Variants in B3GAT2 observed in about 807,000 individuals in gnomAD.
The protein encoded by B3GAT2 is galactosylgalactosylxylosylprotein 3-beta-glucuronosyltransferase 2.
Under a neutral mutation model 27.8 loss-of-function variants are expected in B3GAT2, and 26 were observed. That is an observed-to-expected ratio of 0.93 (90% CI 0.68 to 1.30). The LOEUF is 1.30. Ranked by LOEUF, B3GAT2 falls within the 50% of genes most tolerant of loss-of-function variation. The probability of loss-of-function intolerance (pLI) is 0.00; values close to 1 mark genes in which losing one functional copy is unlikely to be tolerated. For synonymous variants in B3GAT2, 218 were observed against 195.1 expected, an observed-to-expected ratio of 1.12 and a Z score of -0.98; for missense variants, 458 against 459.0, an observed-to-expected ratio of 1.00 and a Z score of 0.02.
intron 1 of B3GAT2, among the ~76,000 whole-genome samples, chr6:70,931,217 G>A (rs548042436): frequency 6.6e-6 from 1 of 152,186 alleles, no homozygotes; most frequent in African/African-American, 2.4e-5. Flanking sequence ...ATAGCATTAG[G>A]AGAATACCTA....
chr6:70,892,766 G>A (rs920932459), intron 2 of B3GAT2, among the ~76,000 whole-genome samples: 2 of 152,218 alleles, frequency 1.3e-5, no homozygotes, highest in African/African-American at 4.8e-5. Flanking sequence ...TGGTCAGCAA[G>A]AAGCCCGATT....
intron 2 of B3GAT2, among the ~76,000 whole-genome samples, chr6:70,867,459 T>C (rs1021102220): frequency 6.6e-6 from 1 of 152,040 alleles, no homozygotes; most frequent in Admixed American, 6.6e-5. Context: ...AGAGAAGATA[T>C]AAATTACCAG....
At chr6:70,936,776 C>T (rs1765289235) in intron 1 of B3GAT2, among the ~76,000 whole-genome samples, 1 of 151,896 alleles carries the variant, frequency 6.6e-6, no homozygotes, top group African/African-American at 2.4e-5. Flanking sequence ...AAATTTATAG[C>T]ACTAAATGCC....
intron 1 of B3GAT2, among the ~76,000 whole-genome samples, chr6:70,954,815 C>T (rs995901555): frequency 6.6e-6 from 1 of 151,356 alleles, no homozygotes; most frequent in Non-Finnish European, 1.5e-5. Context: ...TGAGAAAACC[C>T]ATGCCACTCA....
At chr6:70,892,721 A>G (rs973731278) in intron 2 of B3GAT2, among the ~76,000 whole-genome samples, 1 of 152,190 alleles carries the variant, frequency 6.6e-6, no homozygotes, top group African/African-American at 2.4e-5. Flanking sequence ...ACTTTCCCTA[A>G]TGTTGTCTAA....
chr6:70,900,057 T>C (rs1772470977), intron 1 of B3GAT2, among the ~76,000 whole-genome samples: 2 of 152,216 alleles, frequency 1.3e-5, no homozygotes, highest in Admixed American at 1.3e-4. Flanking sequence ...ATAGGAGTTA[T>C]AATATTACAA....
chr6:70,945,117 T>C (rs1278742501), intron 1 of B3GAT2, among the ~76,000 whole-genome samples: 5 of 151,926 alleles, frequency 3.3e-5, no homozygotes, highest in Middle Eastern at 6.8e-3. Context: ...ACCACAAAGA[T>C]GGGGAAAAAA....
chr6:70,898,665 A>C (rs1433296417), intron 1 of B3GAT2, among the ~76,000 whole-genome samples: 1 of 152,200 alleles, frequency 6.6e-6, no homozygotes, highest in African/African-American at 2.4e-5. Flanking sequence ...TAAATATTCA[A>C]ATCTGTGAAA....
At chr6:70,889,325 C>T (rs1321324611) in intron 2 of B3GAT2, among the ~76,000 whole-genome samples, 1 of 152,052 alleles carries the variant, frequency 6.6e-6, no homozygotes, top group Non-Finnish European at 1.5e-5. Flanking sequence ...TGTTATACCC[C>T]TTGAAACTGC....
At chr6:70,918,548 A>G (rs979227194) in intron 1 of B3GAT2, among the ~76,000 whole-genome samples, 12 of 151,940 alleles carry the variant, frequency 7.9e-5, no homozygotes, top group Non-Finnish European at 1.6e-4. Context: ...GTTCCTTTCC[A>G]TGTTTAGTTC....
rs1765670035 is a variant in B3GAT2 at position 70,957,052 on chromosome 6, T to A, written c.-623A>T. Reference sequence around the variant, plus strand: ...CTTGTCTTCTCAGAACCTCTCCGGATCCAGCAGCAAGATCCCAAAGCAAGG... The same window carrying A: ...CTTGTCTTCTCAGAACCTCTCCGGAACCAGCAGCAAGATCCCAAAGCAAGG... On this transcript the variant is annotated 5_prime_UTR_variant, in exon 1 of 4. Transcript: ENST00000230053. 1 of 986,068 alleles carries A rather than the reference T, an allele frequency of 1.0e-6. No homozygotes were observed. The highest frequency in any genetic ancestry group is 1.2e-6 in the Non-Finnish European group (1 of 830,630). 61.1% of individuals were successfully genotyped at this position (986,068 alleles called of 1,614,324 possible). A position where few individuals can be genotyped will look rare whatever the true frequency, so the allele number is the denominator to read the frequency against.
intron 1 of B3GAT2, 115 bp downstream of exon 1, chr6:70,955,724 G>A: frequency 2.4e-6 from 3 of 1,230,614 alleles, no homozygotes; most frequent in Non-Finnish European, 3.2e-6. Flanking sequence ...TGCGCGCACG[G>A]AGAACTGAGA....
At chr6:70,923,767 T>C (rs562904878) in intron 1 of B3GAT2, among the ~76,000 whole-genome samples, 134 of 152,388 alleles carry the variant, frequency 8.8e-4, no homozygotes, top group Non-Finnish European at 1.1e-3. Context: ...GCTATTCTTA[T>C]ACATTTTTGT....
intron 1 of B3GAT2, among the ~76,000 whole-genome samples, chr6:70,903,237 C>T (rs1300438817): frequency 1.3e-5 from 2 of 151,754 alleles, no homozygotes; most frequent in African/African-American, 2.4e-5. Flanking sequence ...AACACAAAAG[C>T]TAAAGTTTTT....
chr6:70,953,759 G>C (rs1167900181), intron 1 of B3GAT2, among the ~76,000 whole-genome samples: 1 of 152,088 alleles, frequency 6.6e-6, no homozygotes, highest in Non-Finnish European at 1.5e-5. Context: ...TTAGTGTCTT[G>C]AAAGTTTTGC....
chr6:70,918,018 T>C (rs534448685), intron 1 of B3GAT2, among the ~76,000 whole-genome samples: 1 of 152,294 alleles, frequency 6.6e-6, no homozygotes, highest in East Asian at 1.9e-4. Flanking sequence ...CCCATTATTA[T>C]TGTGTGGGAG....
intron 2 of B3GAT2, among the ~76,000 whole-genome samples, chr6:70,880,039 G>C (rs971447597): frequency 1.4e-5 from 2 of 139,188 alleles, no homozygotes; most frequent in Non-Finnish European, 3.1e-5. Context: ...TGTGGAGCTA[G>C]TTAGGAGGTT....
At chr6:70,906,450 C>T (rs1268422670) in intron 1 of B3GAT2, among the ~76,000 whole-genome samples, 3 of 152,198 alleles carry the variant, frequency 2.0e-5, no homozygotes, top group African/African-American at 4.8e-5. Context: ...AGCAATCCTC[C>T]TGCCTCAGCC....
chr6:70,947,145 G>C (rs937374662), intron 1 of B3GAT2, among the ~76,000 whole-genome samples: 33 of 151,766 alleles, frequency 2.2e-4, no homozygotes, highest in African/African-American at 6.1e-4. Context: ...ATTCAAAATT[G>C]ACACCCTAAC....
Sources: gnomAD v4.1 joint callset for allele counts (sites outside exome capture counted in the v4.1 genomes callset) on GRCh38, gnomAD v4.1.1 for gene constraint, MANE v1.5 for transcripts, NCBI Gene and HGNC (gene_info 2026-07-23, HGNC 2026-07-21) for gene names.